Variants in PDE1C observed in about 807,000 individuals in gnomAD.
PDE1C encodes the protein dual specificity calcium/calmodulin-dependent 3',5'-cyclic nucleotide phosphodiesterase 1C.
In PDE1C, 62 loss-of-function variants were observed where a neutral mutation model predicts 93.1. That is an observed-to-expected ratio of 0.67 (90% CI 0.54 to 0.82). The LOEUF is 0.82. Ranked by LOEUF, PDE1C falls within the 40% of genes least tolerant of loss-of-function variation. PDE1C has a pLI of 0.00. For synonymous variants in PDE1C, 325 were observed against 310.1 expected (o/e 1.05, Z -0.50); for missense variants, 742 against 884.6 (o/e 0.84, Z 2.04).
At chr7:31,738,169 G>C in the PDE1C span, among the ~76,000 whole-genome samples, 1 of 152,172 alleles carries the variant, frequency 6.6e-6, no homozygotes, top group Non-Finnish European at 1.5e-5. Context: ...TCGAGGGTGA[G>C]GTGAGAAGGG....
intron 13 of PDE1C, among the ~76,000 whole-genome samples, chr7:31,823,504 T>C (rs1333543324): frequency 6.6e-6 from 1 of 152,138 alleles, no homozygotes; most frequent in African/African-American, 2.4e-5. Context: ...TTTGGCCTCT[T>C]CTTTTTTCCC....
At chr7:31,636,777 T>C in the PDE1C span, among the ~76,000 whole-genome samples, 1 of 151,844 alleles carries the variant, frequency 6.6e-6, no homozygotes, top group Non-Finnish European at 1.5e-5. Flanking sequence ...GTGCGTAATG[T>C]GCAGGTTTGT....
chr7:32,373,683 C>T (rs868431289), intron 1 of PDE1C, among the ~76,000 whole-genome samples: 1 of 152,182 alleles, frequency 6.6e-6, no homozygotes, highest in South Asian at 2.1e-4. Flanking sequence ...CTTTGACATT[C>T]CTCCCATAGA....
chr7:32,343,785 T>C (rs1322643378), intron 1 of PDE1C, among the ~76,000 whole-genome samples: 1 of 150,734 alleles, frequency 6.6e-6, no homozygotes, highest in African/African-American at 2.4e-5. Flanking sequence ...AACAGATGCA[T>C]TTCTGTATTT....
chr7:31,919,904 G>T (rs1250787949), intron 2 of PDE1C, among the ~76,000 whole-genome samples: 1 of 152,098 alleles, frequency 6.6e-6, no homozygotes, highest in Non-Finnish European at 1.5e-5. Context: ...GCGTTTTCTG[G>T]CTCCTCTGAG....
intron 2 of PDE1C, among the ~76,000 whole-genome samples, chr7:31,994,366 A>C (rs947069643): frequency 2.6e-5 from 4 of 152,198 alleles, no homozygotes; most frequent in Non-Finnish European, 5.9e-5. Context: ...CAATTTTAAG[A>C]GGTCATGTGC....
At chr7:32,128,931 A>G in intron 3 of PDE1C, among the ~76,000 whole-genome samples, 1 of 102,990 alleles carries the variant, frequency 9.7e-6, no homozygotes, top group Non-Finnish European at 2.0e-5. Context: ...ATATATATAT[A>G]TATATATATA....
At chr7:31,912,681 T>G (rs556211355) in intron 2 of PDE1C, among the ~76,000 whole-genome samples, 1 of 152,048 alleles carries the variant, frequency 6.6e-6, no homozygotes, top group African/African-American at 2.4e-5. Context: ...AGTGAGACCT[T>G]GTCTCAAAAA....
At chr7:32,181,182 C>T (rs1022196096) in intron 2 of PDE1C, among the ~76,000 whole-genome samples, 2 of 152,120 alleles carry the variant, frequency 1.3e-5, no homozygotes, top group Non-Finnish European at 2.9e-5. Flanking sequence ...GACTTAGACT[C>T]CCACACAATA....
chr7:31,761,112 A>G, intron 17 of PDE1C, among the ~76,000 whole-genome samples: 1 of 44,394 alleles, frequency 2.3e-5, no homozygotes, highest in East Asian at 4.1e-4. Flanking sequence ...GGCTAAAGTA[A>G]CTGGCCAAAA....
the PDE1C span, among the ~76,000 whole-genome samples, chr7:31,663,984 C>G: frequency 6.6e-6 from 1 of 152,102 alleles, no homozygotes; most frequent in East Asian, 1.9e-4. Context: ...TTTAGAATAA[C>G]AAATATTTCT....
Position 32,270,976 on chromosome 7 carries a change from GA to G in PDE1C, c.85+27674del, listed in dbSNP as rs544647046. Reference sequence around the variant, plus strand: ...TGAAACCCCGTCTCTACTAAAAAAAGAAAAAAAAAAAATTAGCCAGGCATGG... The same window carrying G: ...TGAAACCCCGTCTCTACTAAAAAAAGAAAAAAAAAAATTAGCCAGGCATGG... On this transcript the variant is annotated intron_variant, in intron 1 of 18. Transcript: ENST00000396193. Among the ~76,000 whole-genome samples the G allele has an allele frequency of 7.8e-3, 1,133 of 144,466 alleles. 9 individuals are homozygous for G. The highest frequency in any genetic ancestry group is 0.026 in the African/African-American group (1,021 of 39,732). 94.8% of individuals were successfully genotyped at this position (144,466 alleles called of 152,430 possible). A position where few individuals can be genotyped will look rare whatever the true frequency, so the allele number is the denominator to read the frequency against.
intron 9 of PDE1C, among the ~76,000 whole-genome samples, chr7:31,838,548 T>C (rs1002216739): frequency 3.3e-5 from 5 of 152,164 alleles, no homozygotes; most frequent in Non-Finnish European, 2.9e-5. Context: ...GTCCATAGTT[T>C]ACATTAAGGT....
chr7:32,024,813 A>G (rs911518050), intron 2 of PDE1C, among the ~76,000 whole-genome samples: 1 of 152,062 alleles, frequency 6.6e-6, no homozygotes, highest in African/African-American at 2.4e-5. Context: ...TTAACACCCA[A>G]GCTCTCTCAT....
chr7:31,873,251 C>A (rs1290539242), intron 6 of PDE1C, 41 bp downstream of exon 6: 1 of 1,156,182 alleles, frequency 8.6e-7, no homozygotes, highest in East Asian at 2.4e-5. Context: ...TAAACATATG[C>A]ATGTAGTTTA....
chr7:32,329,390 T>C (rs922882239), intron 1 of PDE1C, among the ~76,000 whole-genome samples: 3 of 152,162 alleles, frequency 2.0e-5, no homozygotes, highest in African/African-American at 7.2e-5. Context: ...ATGGAGGCGA[T>C]AGACCCTGTG....
chr7:32,165,997 C>T (rs1337127772), intron 3 of PDE1C, among the ~76,000 whole-genome samples: 1 of 151,640 alleles, frequency 6.6e-6, no homozygotes, highest in Non-Finnish European at 1.5e-5. Context: ...ATCATCAGAC[C>T]ACTCTTCAAA....
intron 2 of PDE1C, among the ~76,000 whole-genome samples, chr7:31,949,495 G>A (rs1025036179): frequency 1.3e-5 from 2 of 151,958 alleles, no homozygotes; most frequent in African/African-American, 4.8e-5. Context: ...ATAAATGACT[G>A]CCACTTTTCC....
At chr7:32,070,692 C>T (rs1042966952), upstream of PDE1C, 3 of 1,256,390 alleles carry the variant, frequency 2.4e-6, no homozygotes, top group Non-Finnish European at 3.0e-6. Flanking sequence ...TGGACTCCAG[C>T]TCCAAGAGAA....
Sources: allele counts gnomAD v4.1 joint callset (sites outside exome capture counted in the v4.1 genomes callset), GRCh38; gene constraint gnomAD v4.1.1; transcripts MANE v1.5; gene names NCBI Gene and HGNC (gene_info 2026-07-23, HGNC 2026-07-21).